TASP1: variants seen among roughly 807,000 people sequenced by gnomAD.
TASP1 encodes the protein threonine aspartase 1.
Under a neutral mutation model 56.6 loss-of-function variants are expected in TASP1, and 16 were observed. That is an observed-to-expected ratio of 0.28 (90% CI 0.19 to 0.43). TASP1 has a LOEUF of 0.43. TASP1 is among the 20% of genes least tolerant of loss of function. The probability of loss-of-function intolerance (pLI) is 1.00; values close to 1 mark genes in which losing one functional copy is unlikely to be tolerated. For synonymous variants in TASP1, 179 were observed against 184.2 expected, an observed-to-expected ratio of 0.97 and a Z score of 0.23; for missense variants, 393 against 511.6, an observed-to-expected ratio of 0.77 and a Z score of 2.24.
At chr20:13,275,897 T>C in the TASP1 span, among the ~76,000 whole-genome samples, 1 of 152,222 alleles carries the variant, frequency 6.6e-6, no homozygotes. Flanking sequence ...TCCAAGCCAG[T>C]TTCCGTCCCT....
At chr20:13,360,140 A>G in the TASP1 span, among the ~76,000 whole-genome samples, 1 of 152,008 alleles carries the variant, frequency 6.6e-6, no homozygotes, top group Non-Finnish European at 1.5e-5. Flanking sequence ...TGCCAAACCC[A>G]TATACTCTCC....
At chr20:13,477,302 TA>T (rs2042980719) in intron 11 of TASP1, among the ~76,000 whole-genome samples, 2 of 152,246 alleles carry the variant, frequency 1.3e-5, no homozygotes, top group South Asian at 4.1e-4. Flanking sequence ...AATCACTTTT[TA>T]AAATCGTAAT....
chr20:13,328,922 C>CAG, the TASP1 span, among the ~76,000 whole-genome samples: 1 of 152,048 alleles, frequency 6.6e-6, no homozygotes, highest in East Asian at 1.9e-4. Flanking sequence ...TGTAACAAAT[C>CAG]TGCACATCCT....
intron 8 of TASP1, among the ~76,000 whole-genome samples, chr20:13,547,092 A>G (rs912744382): frequency 1.3e-4 from 20 of 152,216 alleles, no homozygotes; most frequent in Non-Finnish European, 1.5e-5. Context: ...TGCTTAAATT[A>G]GTAATGTCAA....
chr20:13,450,701 C>T (rs964976553), intron 11 of TASP1, among the ~76,000 whole-genome samples: 2 of 152,024 alleles, frequency 1.3e-5, no homozygotes, highest in South Asian at 2.1e-4. Flanking sequence ...TTACTTCCTC[C>T]GATGAAGTCT....
the TASP1 span, among the ~76,000 whole-genome samples, chr20:13,217,150 C>T: frequency 6.6e-6 from 1 of 152,142 alleles, no homozygotes; most frequent in Non-Finnish European, 1.5e-5. Context: ...TGAGCCCTTA[C>T]CTTTTTGAGA....
intron 13 of TASP1, among the ~76,000 whole-genome samples, chr20:13,413,903 ATT>A (rs1444971588): frequency 6.6e-6 from 1 of 152,148 alleles, no homozygotes; most frequent in Non-Finnish European, 1.5e-5. Flanking sequence ...TATTGTCCAT[ATT>A]ATGGCCCTTT....
the TASP1 span, among the ~76,000 whole-genome samples, chr20:13,194,334 C>T: frequency 1.3e-5 from 2 of 151,956 alleles, no homozygotes; most frequent in Admixed American, 6.6e-5. Context: ...ATGCAAAATC[C>T]CTCTAGGTTT....
chr20:13,514,690 C>T (rs1195979508), intron 10 of TASP1, among the ~76,000 whole-genome samples: 1 of 152,110 alleles, frequency 6.6e-6, no homozygotes. Flanking sequence ...TTTTTTAAAA[C>T]AACTATCCAT....
At chr20:13,417,619 A>G in intron 12 of TASP1, 98 bp from the exon 13 acceptor site, 1 of 1,290,120 alleles carries the variant, frequency 7.8e-7, no homozygotes, top group Non-Finnish European at 1.1e-6. Flanking sequence ...TTTATATTTA[A>G]CACACTCAGT....
At chr20:13,532,004 T>G (rs933535264) in intron 9 of TASP1, among the ~76,000 whole-genome samples, 6 of 152,160 alleles carry the variant, frequency 3.9e-5, no homozygotes, top group African/African-American at 1.4e-4. Context: ...TGAGCCAAAG[T>G]GCTGGGATTA....
chr20:13,339,780 T>C, the TASP1 span, among the ~76,000 whole-genome samples: 1 of 151,974 alleles, frequency 6.6e-6, no homozygotes, highest in African/African-American at 2.4e-5. Flanking sequence ...GTTTAGATGA[T>C]GAGAGGAGGG....
chr20:13,610,542 A>C (rs919797201), intron 4 of TASP1, among the ~76,000 whole-genome samples: 3 of 152,208 alleles, frequency 2.0e-5, no homozygotes, highest in Non-Finnish European at 2.9e-5. Context: ...CCATATGTAT[A>C]CTATACACAC....
At chr20:13,554,385 C>T (rs766996004) in intron 8 of TASP1, among the ~76,000 whole-genome samples, 8 of 146,818 alleles carry the variant, frequency 5.4e-5, no homozygotes, top group Non-Finnish European at 7.6e-5. Context: ...TAAGTATAAA[C>T]GGTCAAAGAC....
intron 10 of TASP1, among the ~76,000 whole-genome samples, chr20:13,517,584 T>C (rs934436180): frequency 3.3e-5 from 5 of 152,106 alleles, no homozygotes; most frequent in Admixed American, 6.6e-5. Flanking sequence ...ATCCTATCAA[T>C]GAGCATGCAT....
At chr20:13,139,681 T>C in the TASP1 span, among the ~76,000 whole-genome samples, 1 of 152,230 alleles carries the variant, frequency 6.6e-6, no homozygotes, top group Non-Finnish European at 1.5e-5. Context: ...GAGTTAACTA[T>C]GTGCCTAGGA....
chr20:13,138,618 C>T, the TASP1 span, among the ~76,000 whole-genome samples: 4 of 152,142 alleles, frequency 2.6e-5, no homozygotes, highest in African/African-American at 9.7e-5. Context: ...GATCTAGTCA[C>T]CATTTATAAA....
the TASP1 span, among the ~76,000 whole-genome samples, chr20:13,258,880 G>A: frequency 0.012 from 1,829 of 152,212 alleles, 31 homozygotes; most frequent in African/African-American, 0.041. Flanking sequence ...TACTGGTTCC[G>A]GCTTGTCAGT....
intron 12 of TASP1, among the ~76,000 whole-genome samples, chr20:13,434,138 A>T (rs1387647798): frequency 6.6e-6 from 1 of 152,056 alleles, no homozygotes; most frequent in East Asian, 1.9e-4. Flanking sequence ...GTTGTGGCAA[A>T]GTTCTATTTT....
Sources: gnomAD v4.1 joint callset for allele counts (sites outside exome capture counted in the v4.1 genomes callset) on GRCh38, gnomAD v4.1.1 for gene constraint, MANE v1.5 for transcripts, NCBI Gene and HGNC (gene_info 2026-07-23, HGNC 2026-07-21) for gene names.